Variants in PTN observed in about 807,000 individuals in gnomAD.
The protein encoded by PTN is heparin affin regulatory protein.
PTN carries 18 observed loss-of-function variants against 24.1 expected under a neutral mutation model. That is an observed-to-expected ratio of 0.75 (90% CI 0.52 to 1.11). The LOEUF (loss-of-function observed/expected upper bound fraction) is 1.11. Among genes scored for constraint, PTN ranks in the 50% least tolerant of loss-of-function variants. PTN has a pLI of 0.00. For synonymous variants in PTN, 78 were observed against 68.6 expected (o/e 1.14, Z -0.67); for missense variants, 163 against 198.8 (o/e 0.82, Z 1.08).
At chr7:137,337,761 A>C (rs774083148) in intron 1 of PTN, among the ~76,000 whole-genome samples, 1 of 152,174 alleles carries the variant, frequency 6.6e-6, no homozygotes, top group Admixed American at 6.5e-5. Flanking sequence ...CTGGAGGTTC[A>C]AAGTTGAGAA....
At chr7:137,242,920 C>G (rs1370603700) in intron 4 of PTN, among the ~76,000 whole-genome samples, 3 of 152,118 alleles carry the variant, frequency 2.0e-5, no homozygotes, top group Non-Finnish European at 4.4e-5. Context: ...AAGGGGACCA[C>G]TGAAAAACAC....
intron 1 of PTN, among the ~76,000 whole-genome samples, chr7:137,273,323 T>C (rs1196445208): frequency 6.6e-6 from 1 of 152,222 alleles, no homozygotes; most frequent in Non-Finnish European, 1.5e-5. Context: ...TACTTTTTCC[T>C]TAGCATGAAT....
chr7:137,339,260 G>A (rs943003518), intron 1 of PTN, among the ~76,000 whole-genome samples: 2 of 151,878 alleles, frequency 1.3e-5, no homozygotes, highest in Non-Finnish European at 2.9e-5. Flanking sequence ...TTCACACCAC[G>A]TACCAAACAC....
chr7:137,264,540 G>A (rs1036513626), intron 1 of PTN, among the ~76,000 whole-genome samples: 54 of 152,244 alleles, frequency 3.5e-4, no homozygotes, highest in Non-Finnish European at 3.8e-4. Context: ...TCCCATCCAC[G>A]TACAGCTCCC....
intron 1 of PTN, among the ~76,000 whole-genome samples, chr7:137,313,850 G>A (rs148442515): frequency 1.5e-3 from 222 of 152,156 alleles, no homozygotes; most frequent in African/African-American, 4.8e-3. Flanking sequence ...TCAAAAGAAC[G>A]TATACCTTCT....
chr7:137,295,330 A>G (rs1809702757), intron 1 of PTN, among the ~76,000 whole-genome samples: 1 of 152,168 alleles, frequency 6.6e-6, no homozygotes, highest in Admixed American at 6.6e-5. Flanking sequence ...TTTTGATTAT[A>G]TATCTGATAT....
chr7:137,321,188 G>A (rs746481495), intron 1 of PTN, among the ~76,000 whole-genome samples: 30 of 152,134 alleles, frequency 2.0e-4, no homozygotes, highest in Non-Finnish European at 3.1e-4. Flanking sequence ...CAAAGACCCT[G>A]CATGTTCACC....
chr7:137,328,846 A>G (rs759762894), intron 1 of PTN, among the ~76,000 whole-genome samples: 1 of 152,198 alleles, frequency 6.6e-6, no homozygotes, highest in Non-Finnish European at 1.5e-5. Context: ...AAGACACGGT[A>G]ATCTCTTGAT....
At chr7:137,233,094 T>C (rs1808456775) in intron 4 of PTN, among the ~76,000 whole-genome samples, 1 of 151,980 alleles carries the variant, frequency 6.6e-6, no homozygotes, top group Admixed American at 6.6e-5. Flanking sequence ...TGAGCCGTGT[T>C]ACAATTCTGA....
At chr7:137,296,203 CAT>C (rs1253175929) in intron 1 of PTN, among the ~76,000 whole-genome samples, 1 of 152,032 alleles carries the variant, frequency 6.6e-6, no homozygotes, top group African/African-American at 2.4e-5. Flanking sequence ...GTGAGATAAA[CAT>C]ATGTGAAATT....
intron 1 of PTN, among the ~76,000 whole-genome samples, chr7:137,312,027 T>C (rs567595960): frequency 1.6e-4 from 25 of 152,276 alleles, no homozygotes; most frequent in Middle Eastern, 3.4e-3. Flanking sequence ...ATATCATCAA[T>C]GGACCATGTC....
intron 1 of PTN, chr7:137,324,654 T>G (rs1810229097): frequency 6.6e-6 from 1 of 151,898 alleles, no homozygotes; most frequent in African/African-American, 2.4e-5. Context: ...AAAAAAAATT[T>G]TTTTGCAAAA....
intron 1 of PTN, among the ~76,000 whole-genome samples, chr7:137,284,439 C>CAA (rs2128876482): frequency 6.6e-6 from 1 of 152,032 alleles, no homozygotes; most frequent in East Asian, 1.9e-4. Flanking sequence ...TCACTGACCT[C>CAA]TCTCTCTCTC....
chr7:137,262,034 T>G (rs113140832), intron 1 of PTN, among the ~76,000 whole-genome samples: 3,074 of 152,310 alleles, frequency 0.02, 41 homozygotes, highest in Middle Eastern at 0.027. Flanking sequence ...CTGGTTTCTA[T>G]GACATGCCTT....
chr7:137,246,863 G>T (rs1459204215), intron 4 of PTN, among the ~76,000 whole-genome samples: 2 of 152,128 alleles, frequency 1.3e-5, no homozygotes, highest in Non-Finnish European at 2.9e-5. Flanking sequence ...TTTGAATCTG[G>T]TTGCACTGCT....
At chr7:137,310,476 C>A (rs1375405445) in intron 1 of PTN, among the ~76,000 whole-genome samples, 1 of 149,728 alleles carries the variant, frequency 6.7e-6, no homozygotes, top group Non-Finnish European at 1.5e-5. Flanking sequence ...TGGCTCACTG[C>A]AACCTCCGAC....
intron 1 of PTN, among the ~76,000 whole-genome samples, chr7:137,295,747 A>G (rs971960602): frequency 3.9e-5 from 6 of 151,956 alleles, no homozygotes; most frequent in African/African-American, 1.5e-4. Context: ...TGTGGCTCAC[A>G]TTATATTTGT....
chr7:137,300,673 GGATCTCCCA>G (rs1181523413), intron 1 of PTN, among the ~76,000 whole-genome samples: 22 of 151,946 alleles, frequency 1.4e-4, no homozygotes, highest in African/African-American at 5.3e-4. Flanking sequence ...TCAGCACAGC[GGATCTCCCA>G]AACAATATAG....
At chr7:137,306,206 T>C (rs1809885462) in intron 1 of PTN, among the ~76,000 whole-genome samples, 1 of 152,068 alleles carries the variant, frequency 6.6e-6, no homozygotes, top group Non-Finnish European at 1.5e-5. Flanking sequence ...TAAATGGGGA[T>C]TTGGGTGAGA....
Sources: allele counts gnomAD v4.1 joint callset (sites outside exome capture counted in the v4.1 genomes callset), GRCh38; gene constraint gnomAD v4.1.1; transcripts MANE v1.5; gene names NCBI Gene and HGNC (gene_info 2026-07-23, HGNC 2026-07-21).